CRYBG1: variants seen among roughly 807,000 people sequenced by gnomAD.
CRYBG1 encodes the protein crystallin beta-gamma domain containing 1, also known as beta/gamma crystallin domain-containing protein 1.
CRYBG1 carries 139 observed loss-of-function variants against 189.2 expected under a neutral mutation model. That is an observed-to-expected ratio of 0.73 (90% confidence interval 0.64 to 0.85). The LOEUF is 0.85. Among genes scored for constraint, CRYBG1 ranks in the 40% least tolerant of loss-of-function variants. The pLI is 0.00. For synonymous variants in CRYBG1, 1,023 were observed against 1,017.1 expected (o/e 1.01, Z -0.11); for missense variants, 2,611 against 2,675.8 (o/e 0.98, Z 0.53).
At chr6:106,528,076 T>G (rs1425719455) in intron 7 of CRYBG1, among the ~76,000 whole-genome samples, 1 of 152,106 alleles carries the variant, frequency 6.6e-6, no homozygotes, top group Non-Finnish European at 1.5e-5. Context: ...AAGTAGAAAA[T>G]TAAAATCCCA....
chr6:106,540,824 T>TA (rs1206063694), intron 9 of CRYBG1, among the ~76,000 whole-genome samples: 5 of 152,286 alleles, frequency 3.3e-5, no homozygotes, highest in East Asian at 3.9e-4. Context: ...ATATTAATTT[T>TA]AAAAAAATCC....
intron 1 of CRYBG1, among the ~76,000 whole-genome samples, chr6:106,381,363 G>A (rs530641648): frequency 6.6e-6 from 1 of 152,110 alleles, no homozygotes; most frequent in African/African-American, 2.4e-5. Flanking sequence ...CCATTTCCTG[G>A]GTGTGTTACC....
At chr6:106,464,377 C>T (rs1772071330) in intron 2 of CRYBG1, among the ~76,000 whole-genome samples, 1 of 151,790 alleles carries the variant, frequency 6.6e-6, no homozygotes, top group African/African-American at 2.4e-5. Flanking sequence ...CCTGTAATCC[C>T]AGCTACTTGG....
In CRYBG1 at chr6:106,526,705, G is replaced by T. The variant is rs540494882; in HGVS notation, c.4413-600G>T. ...GCCTGTAATTCCAGCACGTTGGGAG[G>T]CCGAGGTGGGCAGATCACTTGAGGC... On this transcript the variant is annotated intron_variant, in intron 6 of 21. Coordinates refer to ENST00000633556, the MANE Select transcript of CRYBG1 (RefSeq NM_001371242.2). 1.2e-4 allele frequency among the ~76,000 whole-genome samples: 18 copies of T among 152,162 alleles called. 1 individual carries two copies. The highest frequency in any genetic ancestry group is 4.3e-4 in the African/African-American group (18 of 41,514).
In CRYBG1 at chr6:106,571,792, T is replaced by A; in HGVS notation, c.*3226T>A. ...AGGAACAGCTTGAAAAAACTTCGAA[T>A]TTCTACTGACTACAGACAAATCCAA... On this transcript the variant is annotated 3_prime_UTR_variant, in exon 22 of 22. Transcript: ENST00000633556. 1 of 493,862 alleles carries A rather than the reference T, an allele frequency of 2.0e-6. No individual in the cohort carries two copies. Among genetic ancestry groups the A allele is most frequent in the South Asian group, 2.8e-5 (1 of 35,172 alleles). 30.6% of individuals were successfully genotyped at this position (493,862 alleles called of 1,614,324 possible). A position where few individuals can be genotyped will look rare whatever the true frequency, so the allele number is the denominator to read the frequency against.
intron 1 of CRYBG1, among the ~76,000 whole-genome samples, chr6:106,448,012 C>T (rs191030248): frequency 1.1e-3 from 160 of 152,294 alleles, no homozygotes; most frequent in Non-Finnish European, 2.0e-3. Context: ...GTCCAGTAAG[C>T]TTGCTAGGAG....
At chr6:106,432,315 T>C (rs967869) in intron 1 of CRYBG1, among the ~76,000 whole-genome samples, 31,391 of 152,168 alleles carry the variant, frequency 0.21, 5,367 homozygotes, top group African/African-American at 0.47. Flanking sequence ...TTATACAACT[T>C]TGTTTGAAAC....
In CRYBG1 at chr6:106,512,139, A is replaced by T. The variant is rs915500900; in HGVS notation, c.1022A>T (p.Asp341Val). 1.3e-6 allele frequency: 2 copies of T among 1,534,262 alleles called. No homozygotes were observed. The highest frequency in any genetic ancestry group is 2.7e-5 in the African/African-American group (2 of 72,972). Residue 341 changes from aspartate to valine, a missense_variant, in exon 3 of 22, where the codon GAT (aspartate) becomes GTT (valine). Coordinates refer to ENST00000633556, the MANE Select transcript of CRYBG1 (RefSeq NM_001371242.2). The stretch of plus-strand genomic sequence containing the variant: ...AGCCAGCCCCCCAAGGGCGCGTCTG[A>T]TTTGCCAGGTGAGCCTCCGGCCGAG... ...ARSQPPKGAS[D>V]LPGEPPAEGA...
intron 21 of CRYBG1, among the ~76,000 whole-genome samples, chr6:106,564,795 T>C (rs899005397): frequency 3.9e-5 from 6 of 152,216 alleles, no homozygotes; most frequent in African/African-American, 1.4e-4. Flanking sequence ...TCATGTCATC[T>C]GGGGTAATTC....
Position 106,543,519 on chromosome 6 carries a change from G to A in CRYBG1, c.4961G>A (p.Gly1654Glu). 6.2e-7 allele frequency: 1 copy of A among 1,614,120 alleles called. No homozygotes were observed. The highest frequency in any genetic ancestry group is 1.7e-4 in the Middle Eastern group (1 of 6,060). ...ETGMCSFVME[G>E]GETEEATGDD... The stretch of plus-strand genomic sequence containing the variant: ...GGAATGTGTAGTTTTGTCATGGAGG[G>A]AGGTGAAACAGAAGAGGCGACTGGA... The change falls in exon 11 of 22, where the codon GGA (glycine) becomes GAA (glutamate). Residue 1654 changes from glycine to glutamate, a missense_variant. This residue lies in a region of CRYBG1 where 1,622 missense variants were observed against 1,735.0 expected (regional missense o/e 0.93). Transcript: ENST00000633556.
At chr6:106,442,582 T>G (rs1339284846) in intron 1 of CRYBG1, among the ~76,000 whole-genome samples, 1 of 152,196 alleles carries the variant, frequency 6.6e-6, no homozygotes, top group African/African-American at 2.4e-5. Context: ...AACCAAAGCT[T>G]TATATTGACA....
intron 21 of CRYBG1, among the ~76,000 whole-genome samples, chr6:106,567,351 C>G (rs6910512): frequency 0.17 from 25,208 of 152,048 alleles, 2,625 homozygotes; most frequent in African/African-American, 0.29. Context: ...GTACATCTAG[C>G]CATACATCTA....
chr6:106,564,379 G>A (rs1013224571), intron 21 of CRYBG1, among the ~76,000 whole-genome samples: 10 of 152,216 alleles, frequency 6.6e-5, no homozygotes, highest in Non-Finnish European at 7.3e-5. Context: ...ATGTATACAC[G>A]TGACCTTTCA....
chr6:106,439,910 C>T (rs1251007247), intron 1 of CRYBG1, among the ~76,000 whole-genome samples: 2 of 152,280 alleles, frequency 1.3e-5, no homozygotes, highest in East Asian at 3.9e-4. Flanking sequence ...TATGAAATTG[C>T]CATATTTGAC....
chr6:106,552,614 T>G (rs902840075), intron 15 of CRYBG1, among the ~76,000 whole-genome samples: 1 of 105,246 alleles, frequency 9.5e-6, no homozygotes, highest in Non-Finnish European at 2.0e-5. Context: ...AAAAAAAAAA[T>G]CAGACATTTG....
intron 2 of CRYBG1, among the ~76,000 whole-genome samples, chr6:106,475,252 G>C (rs1341262961): frequency 6.6e-6 from 1 of 152,178 alleles, no homozygotes; most frequent in African/African-American, 2.4e-5. Flanking sequence ...TTATGTGTTT[G>C]AGCCACAGAG....
chr6:106,477,516 G>A (rs983547721), intron 2 of CRYBG1, among the ~76,000 whole-genome samples: 1 of 152,170 alleles, frequency 6.6e-6, no homozygotes, highest in Non-Finnish European at 1.5e-5. Flanking sequence ...CTTCATCTTA[G>A]TTAACAAACT....
At chr6:106,543,776 G>A (rs983320614) in intron 11 of CRYBG1, among the ~76,000 whole-genome samples, 179 bp downstream of exon 11, 1 of 152,216 alleles carries the variant, frequency 6.6e-6, no homozygotes, top group Non-Finnish European at 1.5e-5. Context: ...TTGAGGCTGG[G>A]TGTGGTGGCT....
intron 11 of CRYBG1, among the ~76,000 whole-genome samples, chr6:106,543,985 A>G (rs4946760): frequency 0.61 from 92,947 of 152,092 alleles, 28,699 homozygotes; most frequent in East Asian, 0.89. Context: ...TCAGGAGGCA[A>G]AGGCTGCGGT....
Sources: gnomAD v4.1 joint callset for allele counts (sites outside exome capture counted in the v4.1 genomes callset) on GRCh38, gnomAD v4.1.1 for gene constraint, gnomAD v4.1.1 regional missense constraint, MANE v1.5 for transcripts, NCBI Gene and HGNC (gene_info 2026-07-23, HGNC 2026-07-21) for gene names.